MTR: variants seen among roughly 807,000 people sequenced by gnomAD.
MTR encodes 5-methyltetrahydrofolate-homocysteine methyltransferase, also known as methionine synthase.
MTR carries 84 observed loss-of-function variants against 154.8 expected under a neutral mutation model. That is an observed-to-expected ratio of 0.54 (90% CI 0.45 to 0.65). The LOEUF is 0.65. Among genes scored for constraint, MTR ranks in the 30% least tolerant of loss-of-function variants. The pLI, the probability that MTR is intolerant of heterozygous loss-of-function variation, is 0.00. For synonymous variants in MTR, 554 were observed against 553.9 expected, an observed-to-expected ratio of 1.00 and a Z score of 0.00; for missense variants, 1,275 against 1,570.2, an observed-to-expected ratio of 0.81 and a Z score of 3.18.
Position 236,863,553 on chromosome 1 carries a change from C to A in MTR, c.2404C>A (p.Arg802=). 6.2e-7 allele frequency: 1 copy of A among 1,613,556 alleles called. No individual in the cohort carries two copies. Among genetic ancestry groups the A allele is most frequent in the Non-Finnish European group, 8.5e-7 (1 of 1,179,602 alleles). Residue 802 remains arginine, a splice_region_variant and synonymous_variant, in exon 22 of 33, where the codon CGA becomes AGA. Transcript: ENST00000366577. Reference sequence around the variant, plus strand: ...AGTAGTCCTTGGCTGCAATAATTTCCGGTAAGTTAGGACCTCACCTCTTTC... The same window carrying A: ...AGTAGTCCTTGGCTGCAATAATTTCAGGTAAGTTAGGACCTCACCTCTTTC... ...VGVVLGCNNF[R]VIDLGVMTPC... is the part of the protein sequence containing the mutation.
intron 21 of MTR, 122 bp from the exon 22 acceptor site, chr1:236,863,332 T>G (rs1445158528): frequency 1.2e-6 from 1 of 810,850 alleles, no homozygotes; most frequent in African/African-American, 1.7e-5. Context: ...TCCAGGTCTG[T>G]CTTTGAGGTG....
At chr1:236,845,406 A>T (rs570416866) in intron 15 of MTR, among the ~76,000 whole-genome samples, 1 of 152,374 alleles carries the variant, frequency 6.6e-6, no homozygotes, top group East Asian at 1.9e-4. Flanking sequence ...GTCTGTGTAG[A>T]TACAGCAGTG....
intron 23 of MTR, among the ~76,000 whole-genome samples, chr1:236,874,053 A>G (rs1572307573): frequency 6.6e-6 from 1 of 152,126 alleles, no homozygotes; most frequent in East Asian, 1.9e-4. Context: ...AGTCCTGGAG[A>G]TGGGGAATGG....
In MTR at chr1:236,828,213, G is replaced by A. The variant is rs371973714; in HGVS notation, c.996-976G>A. 1.7e-4 allele frequency among the ~76,000 whole-genome samples: 26 copies of A among 152,278 alleles called. No individual in the cohort carries two copies. In the East Asian group the frequency reaches 3.5e-3, roughly 20 times the overall value. ...AGGATGGTCTTGGTCTCCTGACCTC[G>A]TGGTCCGCTCACCTTGGCCTCCCAA... On this transcript the variant is annotated intron_variant, in intron 11 of 32. Transcript: ENST00000366577.
chr1:236,796,852 G>A (rs962386159), intron 1 of MTR, among the ~76,000 whole-genome samples: 1 of 151,246 alleles, frequency 6.6e-6, no homozygotes, highest in African/African-American at 2.4e-5. Context: ...ATGATCATAG[G>A]GAGATCATAT....
intron 32 of MTR, among the ~76,000 whole-genome samples, 192 bp downstream of exon 32, chr1:236,897,310 G>GCACACACACACACACA (rs57786802): frequency 6.2e-5 from 8 of 128,638 alleles, no homozygotes; most frequent in African/African-American, 1.1e-4. Context: ...CCACACACAC[G>GCACACACACACACACA]CACACACACA....
rs1409699795 is a variant in MTR at position 236,891,284 on chromosome 1, C to G, written c.3159C>G (p.Pro1053=). The change falls in exon 29 of 33, where the codon CCC becomes CCG. Residue 1053 remains proline (P), a synonymous_variant. Coordinates refer to ENST00000366577, the MANE Select transcript of MTR (RefSeq NM_000254.3). ...DIHLYAEAAV[P]QAAEPIATFY... Reference sequence around the variant, plus strand: ...ACCTGTACGCAGAGGCTGCTGTGCCCCAGGCTGCAGAGCCCATAGCCACCT... The same window carrying G: ...ACCTGTACGCAGAGGCTGCTGTGCCGCAGGCTGCAGAGCCCATAGCCACCT... 2 of 1,614,102 alleles carry G rather than the reference C, an allele frequency of 1.2e-6. No individual in the cohort carries two copies.
Position 236,891,257 on chromosome 1 carries a change from T to A in MTR, c.3132T>A (p.Ile1044=). The change falls in exon 29 of 33, where the codon ATT becomes ATA. Residue 1044 remains isoleucine (I), a synonymous_variant. Transcript: ENST00000366577. ...CAGCACAGAGTATCCAAGACGACAT[T>A]CACCTGTACGCAGAGGCTGCTGTGC... is the stretch of plus-strand genomic sequence containing the variant. ...FWPAQSIQDD[I]HLYAEAAVPQ... The A allele has an allele frequency of 6.2e-7, 1 of 1,614,078 alleles. No individual in the cohort carries two copies. Among genetic ancestry groups the A allele is most frequent in the African/African-American group, 1.3e-5 (1 of 75,016 alleles).
chr1:236,816,721 C>T (rs907310177), intron 8 of MTR, among the ~76,000 whole-genome samples, 178 bp downstream of exon 8: 1 of 152,168 alleles, frequency 6.6e-6, no homozygotes, highest in African/African-American at 2.4e-5. Flanking sequence ...AGATCGCTGC[C>T]TAAACGGGTC....
chr1:236,887,383 G>A (rs970459411), intron 27 of MTR, among the ~76,000 whole-genome samples: 3 of 152,184 alleles, frequency 2.0e-5, no homozygotes, highest in South Asian at 2.1e-4. Flanking sequence ...TTGCTTCCAC[G>A]TTTGACAGTT....
chr1:236,875,512 G>A (rs907267368), intron 24 of MTR, among the ~76,000 whole-genome samples: 4 of 152,136 alleles, frequency 2.6e-5, no homozygotes, highest in African/African-American at 9.7e-5. Flanking sequence ...GTTAACTGTG[G>A]GTACTAGACT....
rs1390131029 is a variant in MTR at position 236,900,197 on chromosome 1, GATAT to G, written c.*2560_*2563del. 2 of 406,822 alleles carry G rather than the reference GATAT, an allele frequency of 4.9e-6. No individual in the cohort carries two copies. Among genetic ancestry groups the G allele is most frequent in the Middle Eastern group, 7.0e-4 (2 of 2,874 alleles). The allele number at this position is 406,822 out of a possible 1,614,324, so 25.2% of individuals were successfully genotyped here. ...CTACAGGAAAATAGGTGAATAATTA[GATAT>G]ATATATTCATTCTACGGGATATTAT... On this transcript the variant is annotated 3_prime_UTR_variant, in exon 33 of 33. Coordinates refer to ENST00000366577, the MANE Select transcript of MTR (RefSeq NM_000254.3).
At chr1:236,860,835 AGT>A (rs1664493154) in intron 19 of MTR, among the ~76,000 whole-genome samples, 1 of 152,164 alleles carries the variant, frequency 6.6e-6, no homozygotes, top group South Asian at 2.1e-4. Context: ...CTGTTTTGGA[AGT>A]GTATGAGGTA....
intron 5 of MTR, 32 bp downstream of exon 5, chr1:236,810,627 T>A (rs1661243528): frequency 1.3e-6 from 2 of 1,564,768 alleles, no homozygotes; most frequent in Admixed American, 1.7e-5. Flanking sequence ...TCATTGATCT[T>A]GGGGAAGTAC....
At chr1:236,834,848 T>C (rs1278319073) in intron 13 of MTR, among the ~76,000 whole-genome samples, 2 of 152,144 alleles carry the variant, frequency 1.3e-5, no homozygotes, top group African/African-American at 4.8e-5. Context: ...CCTTAGACGA[T>C]CATAAGTGGG....
intron 29 of MTR, 104 bp downstream of exon 29, chr1:236,891,433 A>G (rs1666320123): frequency 1.7e-6 from 2 of 1,174,758 alleles, no homozygotes; most frequent in Admixed American, 3.7e-5. Flanking sequence ...CCTCCTCCCA[A>G]ATGACCAATC....
intron 6 of MTR, 56 bp from the exon 7 acceptor site, chr1:236,815,548 A>G (rs1386672918): frequency 6.4e-7 from 1 of 1,561,108 alleles, no homozygotes; most frequent in African/African-American, 1.4e-5. Context: ...AGGAAGTTAG[A>G]CTAATCTTGG....
At chr1:236,797,754 T>G (rs1660475673) in intron 1 of MTR, among the ~76,000 whole-genome samples, 1 of 151,246 alleles carries the variant, frequency 6.6e-6, no homozygotes, top group African/African-American at 2.4e-5. Flanking sequence ...AGGTCAGGAG[T>G]TCGAGACCAG....
chr1:236,896,454 C>T (rs1171469467), intron 31 of MTR, among the ~76,000 whole-genome samples: 1 of 152,240 alleles, frequency 6.6e-6, no homozygotes, highest in Non-Finnish European at 1.5e-5. Flanking sequence ...TGGCAAAGCA[C>T]TCACCCTTCA....
Sources: gnomAD v4.1 joint callset for allele counts (sites outside exome capture counted in the v4.1 genomes callset) on GRCh38, gnomAD v4.1.1 for gene constraint, MANE v1.5 for transcripts, NCBI Gene and HGNC (gene_info 2026-07-23, HGNC 2026-07-21) for gene names.